DNAH6: variants seen among roughly 807,000 people sequenced by gnomAD.
The protein encoded by DNAH6 is axonemal beta dynein heavy chain 6.
Under a neutral mutation model 491.4 loss-of-function variants are expected in DNAH6, and 340 were observed. The observed-to-expected ratio is 0.69, with a 90% CI of 0.63 to 0.76. The LOEUF (loss-of-function observed/expected upper bound fraction) is 0.76, where lower values mean the gene tolerates loss of function less well. Among genes scored for constraint, DNAH6 ranks in the 30% least tolerant of loss-of-function variants. DNAH6 has a pLI of 0.00. For synonymous variants in DNAH6, 1,603 were observed against 1,686.1 expected, an observed-to-expected ratio of 0.95 and a Z score of 1.21; for missense variants, 4,443 against 4,972.2, an observed-to-expected ratio of 0.89 and a Z score of 3.20.
chr2:84,546,181 C>G (rs1204725963), intron 5 of DNAH6, among the ~76,000 whole-genome samples: 4 of 152,128 alleles, frequency 2.6e-5, no homozygotes, highest in Non-Finnish European at 5.9e-5. Context: ...ATACAATACA[C>G]TTGGCTCTCA....
intron 72 of DNAH6, among the ~76,000 whole-genome samples, chr2:84,810,241 A>G (rs1227340046): frequency 1.3e-5 from 2 of 152,180 alleles, no homozygotes; most frequent in Non-Finnish European, 2.9e-5. Flanking sequence ...TGGCTACTCT[A>G]ACAAAGAATT....
intron 32 of DNAH6, among the ~76,000 whole-genome samples, chr2:84,641,046 T>C (rs1298931648): frequency 6.6e-6 from 1 of 152,172 alleles, no homozygotes; most frequent in African/African-American, 2.4e-5. Flanking sequence ...TTCACCTCTG[T>C]CTTTATAACG....
rs928046347 is a variant in DNAH6, at chr2:84,706,898, T to A, written c.8730T>A (p.Ala2910=). The change falls in exon 53 of 77, where the codon GCT becomes GCA. Residue 2910 remains alanine (A), a splice_region_variant and synonymous_variant. Coordinates refer to ENST00000389394, the MANE Select transcript of DNAH6 (RefSeq NM_001370.2). Reference sequence around the variant, plus strand: ...AAACAGTTGCTTGATTTTATTAGGCTGAACTTGACATTACCATGGCTACCC... The same window carrying A: ...AAACAGTTGCTTGATTTTATTAGGCAGAACTTGACATTACCATGGCTACCC... The part of the protein sequence containing the change: ...PKRQKLRAAQ[A]ELDITMATLR... 3 of 1,538,530 alleles carry A rather than the reference T, an allele frequency of 1.9e-6. No individual in the cohort carries two copies. Among genetic ancestry groups the A allele is most frequent in the Non-Finnish European group, 2.6e-6 (3 of 1,144,336 alleles).
At chr2:84,614,645 C>G (rs1341164057) in intron 22 of DNAH6, among the ~76,000 whole-genome samples, 1 of 152,090 alleles carries the variant, frequency 6.6e-6, no homozygotes, top group East Asian at 1.9e-4. Context: ...GTTTACATTC[C>G]CACCAGCAGT....
rs1452998536 is a variant in DNAH6 at position 84,727,983 on chromosome 2, A to G, written c.10206+81A>G. 19 of 887,214 alleles carry G rather than the reference A, an allele frequency of 2.1e-5. No homozygotes were observed. The East Asian group carries it at 4.2e-4, about 20-fold the overall frequency. 55.0% of individuals were successfully genotyped at this position (887,214 alleles called of 1,614,324 possible). A position where few individuals can be genotyped will look rare whatever the true frequency, so the allele number is the denominator to read the frequency against. ...AATCTCATTTTGAATTGTAGCTACC[A>G]TAATTCCCATGTGCTGTAGGATGGA... On this transcript the variant is annotated intron_variant, in intron 61 of 76. Coordinates refer to ENST00000389394, the MANE Select transcript of DNAH6 (RefSeq NM_001370.2).
chr2:84,460,451 CAA>C, the DNAH6 span, among the ~76,000 whole-genome samples: 1 of 152,128 alleles, frequency 6.6e-6, no homozygotes, highest in Non-Finnish European at 1.5e-5. Context: ...TTTTAAATAG[CAA>C]AATTATTCCT....
chr2:84,713,303 A>G (rs753180272), intron 57 of DNAH6, 44 bp downstream of exon 57: 4 of 1,527,626 alleles, frequency 2.6e-6, no homozygotes, highest in Non-Finnish European at 2.6e-6. Context: ...CTGGATTATC[A>G]TGGTGTAATG....
intron 68 of DNAH6, among the ~76,000 whole-genome samples, chr2:84,795,134 C>T (rs1023394026): frequency 7.7e-6 from 1 of 130,342 alleles, no homozygotes; most frequent in Non-Finnish European, 1.5e-5. Flanking sequence ...ACAATGAGAA[C>T]ACATGGACAC....
In DNAH6 at chr2:84,683,161, AT is replaced by A. The variant is rs148552757; in HGVS notation, c.6916+1634del. Among the ~76,000 whole-genome samples, 425 of 152,216 alleles carry A rather than the reference AT, an allele frequency of 2.8e-3. 9 individuals are homozygous for A. The East Asian group carries it at 0.066, about 24-fold the overall frequency. On this transcript the variant is annotated intron_variant, in intron 42 of 76. Transcript: ENST00000389394. The stretch of plus-strand genomic sequence containing the variant: ...CCTATTACCTGTAATCATATCGCAC[AT>A]ATTTCTCTGCATATATGTGTGTTCA...
chr2:84,728,988 G>A (rs1475920255), intron 61 of DNAH6, among the ~76,000 whole-genome samples: 1 of 152,070 alleles, frequency 6.6e-6, no homozygotes, highest in Non-Finnish European at 1.5e-5. Flanking sequence ...GAACCCCAGT[G>A]TATCACTAGG....
intron 26 of DNAH6, among the ~76,000 whole-genome samples, chr2:84,622,125 T>C (rs1242341941): frequency 2.0e-4 from 31 of 152,218 alleles, no homozygotes; most frequent in Admixed American, 2.0e-3. Context: ...CCTAGCTCCC[T>C]GTAATCACCA....
chr2:84,491,283 G>A, the DNAH6 span, among the ~76,000 whole-genome samples: 1 of 152,090 alleles, frequency 6.6e-6, no homozygotes, highest in Non-Finnish European at 1.5e-5. Flanking sequence ...ATTTTAACCT[G>A]CTTACTTTGG....
At position 84,705,372 on chromosome 2, in the gene DNAH6, G is replaced by C. The variant is rs201159046; in HGVS notation, c.8466-114G>C. ...CCAATTACTAAAATTATAGTACCAA[G>C]ATTAAAATTATCCACTTATTGGGAT... On this transcript the variant is annotated intron_variant, in intron 51 of 76. Transcript: ENST00000389394. 74 of 1,064,140 alleles carry C rather than the reference G, an allele frequency of 7.0e-5. 1 individual carries two copies. The East Asian group carries it at 1.9e-3, about 27-fold the overall frequency. 65.9% of individuals were successfully genotyped at this position (1,064,140 alleles called of 1,614,324 possible).
At chr2:84,684,604 T>C (rs969354193) in intron 42 of DNAH6, among the ~76,000 whole-genome samples, 2 of 152,226 alleles carry the variant, frequency 1.3e-5, no homozygotes, top group African/African-American at 4.8e-5. Context: ...TACCCTAGTA[T>C]TCCAAAGCAA....
chr2:84,781,469 T>C (rs1429076868), intron 64 of DNAH6, 24 bp from the exon 65 acceptor site: 4 of 1,530,782 alleles, frequency 2.6e-6, no homozygotes, highest in Non-Finnish European at 8.8e-7. Flanking sequence ...TAAGATGATA[T>C]TGTGTTCTTG....
chr2:84,522,215 A>G (rs1199030917), intron 2 of DNAH6, among the ~76,000 whole-genome samples: 2 of 151,988 alleles, frequency 1.3e-5, no homozygotes, highest in East Asian at 3.9e-4. Flanking sequence ...ATTCCTAGGT[A>G]TTTTAGTCTT....
chr2:84,608,332 A>G (rs1332546245), intron 21 of DNAH6, among the ~76,000 whole-genome samples: 1 of 29,460 alleles, frequency 3.4e-5, no homozygotes, highest in Non-Finnish European at 9.4e-5. Context: ...GAGGGTTTTT[A>G]AATTCACTTT....
chr2:84,518,817 A>G (rs1208965410), intron 2 of DNAH6, among the ~76,000 whole-genome samples: 1 of 152,246 alleles, frequency 6.6e-6, no homozygotes, highest in East Asian at 1.9e-4. Flanking sequence ...AACAAAGCAG[A>G]CAAGATTCCT....
rs7570005 is a variant in DNAH6, at chr2:84,634,599, C to T, written c.4611C>T (p.Ile1537=). The change falls in exon 30 of 77, where the codon ATC becomes ATT. Residue 1537 remains isoleucine, a synonymous_variant. Coordinates refer to ENST00000389394, the MANE Select transcript of DNAH6 (RefSeq NM_001370.2). Reference sequence around the variant, plus strand: ...TTGACATAGAAGTTCTGTCCGTCATCGCGCAGCAACTCATTACCATTAGGA... The same window carrying T: ...TTGACATAGAAGTTCTGTCCGTCATTGCGCAGCAACTCATTACCATTAGGA... ...NRIDIEVLSV[I]AQQLITIRNA... 147,399 of 1,548,974 alleles carry T rather than the reference C, an allele frequency of 0.095. 12,238 individuals carry two copies. The highest frequency in any genetic ancestry group is 0.44 in the African/African-American group (32,039 of 72,776).
Sources: allele counts gnomAD v4.1 joint callset (sites outside exome capture counted in the v4.1 genomes callset), GRCh38; gene constraint gnomAD v4.1.1; transcripts MANE v1.5; gene names NCBI Gene and HGNC (gene_info 2026-07-23, HGNC 2026-07-21).